TCEAL1: variants seen among roughly 807,000 people sequenced by gnomAD.
TCEAL1 encodes transcription elongation factor A like 1.
For missense variants in TCEAL1, 82 were observed against 125.9 expected (o/e 0.65, Z 1.67); for synonymous variants, 48 against 46.0 (o/e 1.04, Z -0.17).
In TCEAL1 at chrX:103,630,451, G is replaced by A; in HGVS notation, c.*55G>A. 1 of 1,082,810 alleles carries A rather than the reference G, an allele frequency of 9.2e-7. No homozygotes were observed. The highest frequency in any genetic ancestry group is 1.2e-6 in the Non-Finnish European group (1 of 830,025). 89.2% of individuals were successfully genotyped at this position (1,082,810 alleles called of 1,213,427 possible). A position where few individuals can be genotyped will look rare whatever the true frequency, so the allele number is the denominator to read the frequency against. On this transcript the variant is annotated 3_prime_UTR_variant, in exon 3 of 3. Coordinates refer to ENST00000372625, the MANE Select transcript of TCEAL1 (RefSeq NM_004780.3). ...GCTAATAGTATTGCCATTGCCACCTGGACTTTCTGTTTGCATTTTCTTAAT... is the reference window on the plus strand; with the variant it reads ...GCTAATAGTATTGCCATTGCCACCTAGACTTTCTGTTTGCATTTTCTTAAT...
chrX:103,630,273 C>T lies in TCEAL1; in HGVS notation c.357C>T (p.Gly119=). Residue 119 remains glycine (G), a synonymous_variant, in exon 3 of 3, where the codon GGC becomes GGT. Coordinates refer to ENST00000372625, the MANE Select transcript of TCEAL1 (RefSeq NM_004780.3). ...SRPQFRGDIH[G]RNLSNEEMIQ... is the part of the protein sequence containing the mutation. The stretch of plus-strand genomic sequence containing the variant: ...CGCAATTTAGAGGGGACATACATGG[C>T]AGAAATTTAAGCAATGAGGAGATGA... 8.3e-7 allele frequency: 1 copy of T among 1,211,755 alleles called. No homozygotes were observed. Among genetic ancestry groups the T allele is most frequent in the Non-Finnish European group, 1.1e-6 (1 of 895,526 alleles).
rs1741725796 is a variant in TCEAL1, at chrX:103,630,468, T to C, written c.*72T>C. The C allele has an allele frequency of 9.6e-7, 1 of 1,036,559 alleles. No homozygotes were observed. 85.4% of individuals were successfully genotyped at this position (1,036,559 alleles called of 1,213,427 possible). On this transcript the variant is annotated 3_prime_UTR_variant, in exon 3 of 3. Transcript: ENST00000372625. ...TGCCACCTGGACTTTCTGTTTGCAT[T>C]TTCTTAATGCCTTTTCCCATATTCT...
At chrX:103,629,429 G>C (rs920468933) in intron 1 of TCEAL1, 65 bp from the exon 2 acceptor site, 1 of 111,591 alleles carries the variant, frequency 9.0e-6, no homozygotes, top group Non-Finnish European at 1.9e-5. Flanking sequence ...GGGGTGGGGG[G>C]TGTCAGTCAG....
At chrX:103,629,105 G>C (rs2073706097) in intron 1 of TCEAL1, 80 bp downstream of exon 1, 1 of 112,227 alleles carries the variant, frequency 8.9e-6, no homozygotes, top group African/African-American at 3.2e-5. Flanking sequence ...GACAGAATCG[G>C]GATGGCGGAG....
Position 103,630,573 on chromosome X carries a change from TACAAG to T in TCEAL1, c.*178_*182del. On this transcript the variant is annotated 3_prime_UTR_variant, in exon 3 of 3. Transcript: ENST00000372625. ...AAAGTTGAGGTTTCCCCCTAAAATC[TACAAG>T]TTTCCCTCTTTCAGTCATGAGCCCT... 1 of 510,044 alleles carries T rather than the reference TACAAG, an allele frequency of 2.0e-6. No homozygotes were observed. The highest frequency in any genetic ancestry group is 3.1e-6 in the Non-Finnish European group (1 of 321,625). 42.0% of individuals were successfully genotyped at this position (510,044 alleles called of 1,213,427 possible). A position where few individuals can be genotyped will look rare whatever the true frequency, so the allele number is the denominator to read the frequency against.
Position 103,630,131 on chromosome X carries a change from G to A in TCEAL1, c.215G>A (p.Gly72Asp), listed in dbSNP as rs774757358. The change falls in exon 3 of 3, where the codon GGT becomes GAT. Residue 72 changes from glycine (G) to aspartate (D), a missense_variant. Physicochemically the swap from Gly to Asp is moderately conservative, Grantham distance 94. Coordinates refer to ENST00000372625, the MANE Select transcript of TCEAL1 (RefSeq NM_004780.3). ...TCGGAGGAGCGCCCTCCGCAGGAGG[G>A]TCTTTCCAGGAAGGACCTGTTTGAG... ...LLSEERPPQEGLSRKDLFEGR... is the reference protein window; with the variant it reads ...LLSEERPPQEDLSRKDLFEGR... 8.3e-7 allele frequency: 1 copy of A among 1,209,571 alleles called. No homozygotes were observed. Among genetic ancestry groups the A allele is most frequent in the African/African-American group, 1.8e-5 (1 of 57,046 alleles).
In TCEAL1 at chrX:103,630,400, G is replaced by GT. The variant is rs1486912490; in HGVS notation, c.*6dup. On this transcript the variant is annotated 3_prime_UTR_variant, in exon 3 of 3. Coordinates refer to ENST00000372625, the MANE Select transcript of TCEAL1 (RefSeq NM_004780.3). The stretch of plus-strand genomic sequence containing the variant: ...GAGCCGTCCTTATCCTATTTAATGT[G>GT]TTCGGCCTTTAATTCTGTTTTGCCT... The GT allele has an allele frequency of 8.5e-7, 1 of 1,170,772 alleles. No homozygotes were observed. The highest frequency in any genetic ancestry group is 2.5e-5 in the Admixed American group (1 of 39,716).
chrX:103,630,595 A>AC lies in TCEAL1; in HGVS notation c.*199_*200insC. On this transcript the variant is annotated 3_prime_UTR_variant, in exon 3 of 3. Transcript: ENST00000372625. ...ATCTACAAGTTTCCCTCTTTCAGTCATGAGCCCTACACATTTGCATGAAAG... is the reference window on the plus strand; with the variant it reads ...ATCTACAAGTTTCCCTCTTTCAGTCACTGAGCCCTACACATTTGCATGAAAG... 2.3e-6 allele frequency: 1 copy of AC among 437,333 alleles called. No homozygotes were observed. Among genetic ancestry groups the AC allele is most frequent in the Non-Finnish European group, 3.8e-6 (1 of 262,178 alleles). 36.0% of individuals were successfully genotyped at this position (437,333 alleles called of 1,213,427 possible).
chrX:103,629,969 C>T lies in TCEAL1; in HGVS notation c.53C>T (p.Thr18Ile). ...NEEEPQSAPKTDEERPPVEHS... is the reference protein window; with the variant it reads ...NEEEPQSAPKIDEERPPVEHS... Reference sequence around the variant, plus strand: ...GAAGAGCCGCAGAGCGCGCCCAAGACCGATGAGGAGAGGCCTCCGGTGGAG... The same window carrying T: ...GAAGAGCCGCAGAGCGCGCCCAAGATCGATGAGGAGAGGCCTCCGGTGGAG... The change falls in exon 3 of 3, where the codon ACC becomes ATC. Residue 18 changes from threonine (T) to isoleucine (I), a missense_variant. Physicochemically the swap from Thr to Ile is moderately conservative, Grantham distance 89. Coordinates refer to ENST00000372625, the MANE Select transcript of TCEAL1 (RefSeq NM_004780.3). 8.5e-7 allele frequency: 1 copy of T among 1,180,004 alleles called. No homozygotes were observed. The highest frequency in any genetic ancestry group is 1.1e-6 in the Non-Finnish European group (1 of 879,412).
At position 103,630,300 on chromosome X, in the gene TCEAL1, A is replaced by G; in HGVS notation, c.384A>G (p.Ile128Met). ...HGRNLSNEEM[I>M]QAADELEEMK... The stretch of plus-strand genomic sequence containing the variant: ...GAAATTTAAGCAATGAGGAGATGAT[A>G]CAGGCAGCAGATGAGCTAGAAGAGA... The change falls in exon 3 of 3, where the codon ATA becomes ATG. Residue 128 changes from isoleucine to methionine, a missense_variant. Ile to Met is a conservative substitution (Grantham distance 10, BLOSUM62 1). Coordinates refer to ENST00000372625, the MANE Select transcript of TCEAL1 (RefSeq NM_004780.3). The G allele has an allele frequency of 8.2e-7, 1 of 1,212,264 alleles. No individual in the cohort carries two copies. Among genetic ancestry groups the G allele is most frequent in the Non-Finnish European group, 1.1e-6 (1 of 895,630 alleles).
chrX:103,629,569 A>C lies in TCEAL1; in HGVS notation c.-37A>C. 2 of 179,659 alleles carry C rather than the reference A, an allele frequency of 1.1e-5. No homozygotes were observed. Among genetic ancestry groups the C allele is most frequent in the Non-Finnish European group, 2.1e-5 (2 of 95,399 alleles). 14.8% of individuals were successfully genotyped at this position (179,659 alleles called of 1,213,427 possible). ...CGGCCCGGAAAGGTCCAGGTCAGGG[A>C]AGGGGTACGCAGTGGGCCGGGACTG... On this transcript the variant is annotated 5_prime_UTR_variant, in exon 2 of 3. Transcript: ENST00000372625.
At position 103,630,129 on chromosome X, in the gene TCEAL1, G is replaced by A; in HGVS notation, c.213G>A (p.Glu71=). ...TCTCGGAGGAGCGCCCTCCGCAGGA[G>A]GGTCTTTCCAGGAAGGACCTGTTTG... is the stretch of plus-strand genomic sequence containing the variant. ...MLLSEERPPQ[E]GLSRKDLFEG... Residue 71 remains glutamate, a synonymous_variant, in exon 3 of 3, where the codon GAG becomes GAA. Transcript: ENST00000372625. The A allele has an allele frequency of 8.3e-7, 1 of 1,211,750 alleles. No homozygotes were observed. Among genetic ancestry groups the A allele is most frequent in the Non-Finnish European group, 1.1e-6 (1 of 895,415 alleles).
At position 103,630,592 on chromosome X, in the gene TCEAL1, G is replaced by C; in HGVS notation, c.*196G>C. 2.3e-6 allele frequency: 1 copy of C among 437,700 alleles called. No individual in the cohort carries two copies. Among genetic ancestry groups the C allele is most frequent in the Non-Finnish European group, 3.8e-6 (1 of 264,357 alleles). The allele number at this position is 437,700 out of a possible 1,213,427, so 36.1% of individuals were successfully genotyped here. On this transcript the variant is annotated 3_prime_UTR_variant, in exon 3 of 3. Transcript: ENST00000372625. ...AAAATCTACAAGTTTCCCTCTTTCAGTCATGAGCCCTACACATTTGCATGA... is the reference window on the plus strand; with the variant it reads ...AAAATCTACAAGTTTCCCTCTTTCACTCATGAGCCCTACACATTTGCATGA...
At chrX:103,629,784 G>T (rs1603180550) in intron 2 of TCEAL1, 101 bp from the exon 3 acceptor site, 2 of 796,887 alleles carry the variant, frequency 2.5e-6, no homozygotes, top group East Asian at 7.3e-5. Flanking sequence ...TTGAGGACCT[G>T]GCCCCCGAAT....
Position 103,630,464 on chromosome X carries a change from G to A in TCEAL1, c.*68G>A. 9.4e-7 allele frequency: 1 copy of A among 1,060,599 alleles called. No individual in the cohort carries two copies. Among genetic ancestry groups the A allele is most frequent in the Non-Finnish European group, 1.2e-6 (1 of 810,700 alleles). 87.4% of individuals were successfully genotyped at this position (1,060,599 alleles called of 1,213,427 possible). ...CCATTGCCACCTGGACTTTCTGTTT[G>A]CATTTTCTTAATGCCTTTTCCCATA... is the stretch of plus-strand genomic sequence containing the variant. On this transcript the variant is annotated 3_prime_UTR_variant, in exon 3 of 3. Coordinates refer to ENST00000372625, the MANE Select transcript of TCEAL1 (RefSeq NM_004780.3).
rs2073721138 is a variant in TCEAL1, at chrX:103,630,925, A to G, written c.*529A>G. 1 of 123,984 alleles carries G rather than the reference A, an allele frequency of 8.1e-6. No homozygotes were observed. Among genetic ancestry groups the G allele is most frequent in the African/African-American group, 3.2e-5 (1 of 30,951 alleles). 10.2% of individuals were successfully genotyped at this position (123,984 alleles called of 1,213,427 possible). On this transcript the variant is annotated 3_prime_UTR_variant, in exon 3 of 3. Coordinates refer to ENST00000372625, the MANE Select transcript of TCEAL1 (RefSeq NM_004780.3). The stretch of plus-strand genomic sequence containing the variant: ...AGCTTATAACGACAATGTGGCACTT[A>G]ATAAATACTTGTCAGAACTTTAAAA...
chrX:103,630,631 T>C lies in TCEAL1; in HGVS notation c.*235T>C. 3.0e-6 allele frequency: 1 copy of C among 327,999 alleles called. No individual in the cohort carries two copies. Among genetic ancestry groups the C allele is most frequent in the Admixed American group, 5.6e-5 (1 of 17,953 alleles). 27.0% of individuals were successfully genotyped at this position (327,999 alleles called of 1,213,427 possible). A position where few individuals can be genotyped will look rare whatever the true frequency, so the allele number is the denominator to read the frequency against. On this transcript the variant is annotated 3_prime_UTR_variant, in exon 3 of 3. Coordinates refer to ENST00000372625, the MANE Select transcript of TCEAL1 (RefSeq NM_004780.3). ...ACATTTGCATGAAAGATGTACATTATATATTGTGAAACGAAAAAAGCAATT... is the reference window on the plus strand; with the variant it reads ...ACATTTGCATGAAAGATGTACATTACATATTGTGAAACGAAAAAAGCAATT...
Position 103,630,205 on chromosome X carries a change from C to A in TCEAL1, c.289C>A (p.Leu97Ile). ...TCCTTGTGGAGTAGGAAAACATAAG[C>A]TTGAAGAAGGAAGCTTTAAAGAAAG... ...QPPCGVGKHK[L>I]EEGSFKERLA... The change falls in exon 3 of 3, where the codon CTT (leucine) becomes ATT (isoleucine). Residue 97 changes from leucine (L) to isoleucine (I), a missense_variant. Coordinates refer to ENST00000372625, the MANE Select transcript of TCEAL1 (RefSeq NM_004780.3). 8.3e-7 allele frequency: 1 copy of A among 1,211,804 alleles called. No homozygotes were observed. The highest frequency in any genetic ancestry group is 1.8e-5 in the South Asian group (1 of 56,978).
chrX:103,630,163 C>G lies in TCEAL1; in HGVS notation c.247C>G (p.Pro83Ala). 1 of 1,211,633 alleles carries G rather than the reference C, an allele frequency of 8.3e-7. No homozygotes were observed. The highest frequency in any genetic ancestry group is 3.0e-5 in the East Asian group (1 of 33,806). The part of the protein sequence containing the change: ...LSRKDLFEGR[P>A]PMEQPPCGVG... ...CAGGAAGGACCTGTTTGAGGGGCGCCCTCCCATGGAGCAGCCTCCTTGTGG... is the reference window on the plus strand; with the variant it reads ...CAGGAAGGACCTGTTTGAGGGGCGCGCTCCCATGGAGCAGCCTCCTTGTGG... Residue 83 changes from proline (P) to alanine (A), a missense_variant, in exon 3 of 3, where the codon CCT (proline) becomes GCT (alanine). Transcript: ENST00000372625.
Sources: gnomAD v4.1 joint callset for allele counts on GRCh38, gnomAD v4.1.1 for gene constraint, MANE v1.5 for transcripts, NCBI Gene and HGNC (gene_info 2026-07-23, HGNC 2026-07-21) for gene names.